SDHB: variants seen among roughly 807,000 people sequenced by gnomAD.
The protein encoded by SDHB is succinate dehydrogenase complex iron sulfur subunit B.
Under a neutral mutation model 39.7 loss-of-function variants are expected in SDHB, and 21 were observed. That is an observed-to-expected ratio of 0.53 (90% confidence interval 0.37 to 0.76). The LOEUF (loss-of-function observed/expected upper bound fraction) is 0.76, where lower values mean the gene tolerates loss of function less well. SDHB is among the 30% of genes least tolerant of loss of function. The pLI is 0.00. For synonymous variants in SDHB, 118 were observed against 117.0 expected (o/e 1.01, Z -0.06); for missense variants, 343 against 350.9 (o/e 0.98, Z 0.18).
chr1:17,023,894 T>A (rs1205970531), intron 6 of SDHB, 79 bp downstream of exon 6: 1 of 1,098,844 alleles, frequency 9.1e-7, no homozygotes, highest in Admixed American at 1.7e-5. Flanking sequence ...AATGGCTGGC[T>A]TACAGCAATC....
At chr1:17,023,901 A>C in intron 6 of SDHB, 72 bp downstream of exon 6, 1 of 1,157,544 alleles carries the variant, frequency 8.6e-7, no homozygotes, top group South Asian at 1.2e-5. Context: ...GGCTTACAGC[A>C]ATCTATTGTC....
At chr1:17,043,681 G>A (rs2078093414) in intron 2 of SDHB, among the ~76,000 whole-genome samples, 1 of 152,164 alleles carries the variant, frequency 6.6e-6, no homozygotes, top group Non-Finnish European at 1.5e-5. Flanking sequence ...AAAGATGTTG[G>A]AAAAAGAGTG....
At chr1:17,034,609 A>G (rs997435903) in intron 2 of SDHB, among the ~76,000 whole-genome samples, 3 of 151,382 alleles carry the variant, frequency 2.0e-5, no homozygotes, top group African/African-American at 7.3e-5. Flanking sequence ...CAAACTCCTG[A>G]CCTCAAGTGA....
intron 1 of SDHB, among the ~76,000 whole-genome samples, chr1:17,051,450 A>C (rs2078146686): frequency 1.3e-5 from 2 of 152,130 alleles, no homozygotes; most frequent in Admixed American, 1.3e-4. Flanking sequence ...GAGTGGATAA[A>C]GATTTGGAGG....
intron 2 of SDHB, among the ~76,000 whole-genome samples, chr1:17,038,085 G>A (rs2078060078): frequency 6.6e-6 from 1 of 152,062 alleles, no homozygotes. Flanking sequence ...GTTGCGGTGA[G>A]CCAAGATTGT....
intron 2 of SDHB, among the ~76,000 whole-genome samples, chr1:17,038,720 A>C (rs1353406440): frequency 6.6e-6 from 1 of 152,234 alleles, no homozygotes; most frequent in African/African-American, 2.4e-5. Context: ...TGGCTGATGA[A>C]GTTCCCTTCT....
In SDHB at chr1:17,049,647, C is replaced by CTTTTTTTTTTTT. The variant is rs397835910; in HGVS notation, c.72+4289_72+4300dup. Among the ~76,000 whole-genome samples, 182 of 52,064 alleles carry CTTTTTTTTTTTT rather than the reference C, an allele frequency of 3.5e-3. 35 individuals carry two copies. Among genetic ancestry groups the CTTTTTTTTTTTT allele is most frequent in the Admixed American group, 5.7e-3 (16 of 2,788 alleles). The allele number at this position is 52,064 out of a possible 152,430, so 34.2% of individuals were successfully genotyped here. A position where few individuals can be genotyped will look rare whatever the true frequency, so the allele number is the denominator to read the frequency against. On this transcript the variant is annotated intron_variant, in intron 1 of 7. Transcript: ENST00000375499. ...GGGACTGGAGCATAATCCCCTAGTT[C>CTTTTTTTTTTTT]TTTTTTTTTTTTTTTTTTTTTTTTT...
chr1:17,049,746 A>T (rs2078134919), intron 1 of SDHB, among the ~76,000 whole-genome samples: 1 of 137,534 alleles, frequency 7.3e-6, no homozygotes. Flanking sequence ...CCTGGGTTCA[A>T]GCAATTCTCC....
At chr1:17,030,117 A>C (rs2078014563) in intron 3 of SDHB, among the ~76,000 whole-genome samples, 1 of 152,158 alleles carries the variant, frequency 6.6e-6, no homozygotes, top group African/African-American at 2.4e-5. Flanking sequence ...TGAACTGAGG[A>C]GGAGAAGGTT....
At chr1:17,038,731 T>C (rs1470876395) in intron 2 of SDHB, among the ~76,000 whole-genome samples, 2 of 152,234 alleles carry the variant, frequency 1.3e-5, no homozygotes, top group Non-Finnish European at 2.9e-5. Context: ...GTTCCCTTCT[T>C]TTCCTATTAG....
intron 1 of SDHB, among the ~76,000 whole-genome samples, chr1:17,050,848 G>A (rs1416426034): frequency 1.3e-5 from 2 of 152,126 alleles, no homozygotes; most frequent in Admixed American, 6.6e-5. Flanking sequence ...CAAAAAATTC[G>A]TTGAATACAT....
chr1:17,042,953 A>AGTTT (rs2078089138), intron 2 of SDHB, among the ~76,000 whole-genome samples: 1 of 53,834 alleles, frequency 1.9e-5, no homozygotes, highest in Non-Finnish European at 4.3e-5. Context: ...TTGTTTTATG[A>AGTTT]GTTTTTTTTT....
At chr1:17,041,438 G>C (rs1029678615) in intron 2 of SDHB, among the ~76,000 whole-genome samples, 3 of 152,136 alleles carry the variant, frequency 2.0e-5, no homozygotes. Context: ...GGGAGGCTGA[G>C]GTGGGTGGAT....
rs2078031756 is a variant in SDHB at position 17,033,045 on chromosome 1, G to A, written c.286+15C>T. Reference sequence around the variant, plus strand: ...ACCACAAGTATCTGGAGCCCAACAGGAATGAAATGCTCACCTTCTCTGCAT... The same window carrying A: ...ACCACAAGTATCTGGAGCCCAACAGAAATGAAATGCTCACCTTCTCTGCAT... On this transcript the variant is annotated intron_variant, in intron 3 of 7. Coordinates refer to ENST00000375499, the MANE Select transcript of SDHB (RefSeq NM_003000.3). 1.2e-6 allele frequency: 2 copies of A among 1,601,796 alleles called. No homozygotes were observed. The highest frequency in any genetic ancestry group is 1.7e-6 in the Non-Finnish European group (2 of 1,168,882).
At chr1:17,027,107 C>T (rs2077995188) in intron 5 of SDHB, among the ~76,000 whole-genome samples, 1 of 152,148 alleles carries the variant, frequency 6.6e-6, no homozygotes, top group Non-Finnish European at 1.5e-5. Flanking sequence ...TACCTCACGT[C>T]CACAAGTATG....
Position 17,028,628 on chromosome 1 carries a change from T to A in SDHB, c.395A>T (p.His132Leu). 1 of 1,614,168 alleles carries A rather than the reference T, an allele frequency of 6.2e-7. No homozygotes were observed. The highest frequency in any genetic ancestry group is 1.1e-5 in the South Asian group (1 of 91,086). Reference sequence around the variant, plus strand: ...AACAAGATCCTTTATCACATACATGTGTGGAAGAGGGTAGATTTTTGAGAC... The same window carrying A: ...AACAAGATCCTTTATCACATACATGAGTGGAAGAGGGTAGATTTTTGAGAC... ...NKVSKIYPLP[H>L]MYVIKDLVPD... is the part of the protein sequence containing the mutation. Residue 132 changes from histidine to leucine, a missense_variant, in exon 4 of 8, where the codon CAC becomes CTC. Coordinates refer to ENST00000375499, the MANE Select transcript of SDHB (RefSeq NM_003000.3).
At chr1:17,053,705 C>T (rs542235350) in intron 1 of SDHB, among the ~76,000 whole-genome samples, 1 of 151,776 alleles carries the variant, frequency 6.6e-6, no homozygotes, top group African/African-American at 2.4e-5. Flanking sequence ...GAACGTCCCC[C>T]CCCCCCGCAC....
At chr1:17,029,093 G>GTTTTTTTTTTTTTTTT in intron 3 of SDHB, among the ~76,000 whole-genome samples, 1 of 72,030 alleles carries the variant, frequency 1.4e-5, no homozygotes, top group Non-Finnish European at 2.4e-5. Flanking sequence ...AAATCAGCCT[G>GTTTTTTTTTTTTTTTT]TTTTTTTTTT....
chr1:17,027,504 C>T (rs1284521039), intron 5 of SDHB, among the ~76,000 whole-genome samples: 1 of 152,224 alleles, frequency 6.6e-6, no homozygotes, highest in South Asian at 2.1e-4. Context: ...GGAGTAGCCA[C>T]ACAGCAACCA....
Sources: allele counts gnomAD v4.1 joint callset (sites outside exome capture counted in the v4.1 genomes callset), GRCh38; gene constraint gnomAD v4.1.1; transcripts MANE v1.5; gene names NCBI Gene and HGNC (gene_info 2026-07-23, HGNC 2026-07-21).